NALCN: variants seen among roughly 807,000 people sequenced by gnomAD.
NALCN encodes sodium leak channel NALCN.
Under a neutral mutation model 225.3 loss-of-function variants are expected in NALCN, and 111 were observed. The observed-to-expected ratio is 0.49, with a 90% CI of 0.42 to 0.58. The LOEUF (loss-of-function observed/expected upper bound fraction) is 0.58. NALCN is among the 20% of genes least tolerant of loss of function. The probability of loss-of-function intolerance (pLI) is 0.00; values close to 1 mark genes in which losing one functional copy is unlikely to be tolerated. For synonymous variants in NALCN, 764 were observed against 769.0 expected (o/e 0.99, Z 0.11); for missense variants, 1,378 against 2,202.4 (o/e 0.63, Z 7.49).
chr13:101,301,733 C>T (rs1273123863), intron 7 of NALCN, among the ~76,000 whole-genome samples: 4 of 139,760 alleles, frequency 2.9e-5, no homozygotes, highest in Non-Finnish European at 4.8e-5. Flanking sequence ...AAAAAAAAGA[C>T]AAGACAAGAA....
chr13:101,206,019 A>C (rs1303365651), intron 13 of NALCN, among the ~76,000 whole-genome samples: 1 of 151,976 alleles, frequency 6.6e-6, no homozygotes, highest in Non-Finnish European at 1.5e-5. Context: ...TGGTCAGAGA[A>C]ATGCTTATGT....
chr13:101,370,618 C>T (rs149296031), intron 6 of NALCN, among the ~76,000 whole-genome samples: 56 of 152,226 alleles, frequency 3.7e-4, no homozygotes, highest in African/African-American at 1.3e-3. Flanking sequence ...AACAGACCCA[C>T]GTATAGACAG....
At chr13:101,382,212 T>G (rs967831659) in intron 3 of NALCN, among the ~76,000 whole-genome samples, 1 of 150,344 alleles carries the variant, frequency 6.7e-6, no homozygotes, top group Non-Finnish European at 1.5e-5. Context: ...CGGTGGAACA[T>G]TGAATGAGAG....
intron 4 of NALCN, among the ~76,000 whole-genome samples, chr13:101,377,711 T>C (rs898494673): frequency 2.0e-5 from 3 of 152,144 alleles, no homozygotes; most frequent in Non-Finnish European, 4.4e-5. Flanking sequence ...GAATAGATGA[T>C]TGAACTCTAG....
chr13:101,400,583 A>ATGTG (rs1566655139), intron 1 of NALCN, among the ~76,000 whole-genome samples: 30 of 139,634 alleles, frequency 2.1e-4, no homozygotes, highest in African/African-American at 7.5e-4. Context: ...GTGTGTGTGC[A>ATGTG]CGTGTGTGCG....
At chr13:101,361,383 T>C (rs1231816937) in intron 6 of NALCN, among the ~76,000 whole-genome samples, 1 of 152,186 alleles carries the variant, frequency 6.6e-6, no homozygotes, top group South Asian at 2.1e-4. Flanking sequence ...CCTTTAGAAT[T>C]CAGTCTTAAA....
In NALCN at chr13:101,230,417, G is replaced by A. The variant is rs367552534; in HGVS notation, c.1435-833C>T. On this transcript the variant is annotated intron_variant, in intron 12 of 43. Coordinates refer to ENST00000251127, the MANE Select transcript of NALCN (RefSeq NM_052867.4). ...CCTCCTTTAAAAAACAGAACTTTCC[G>A]AATTCTAACCTAGCAAGTGGTTGCC... Among the ~76,000 whole-genome samples, 7 of 152,224 alleles carry A rather than the reference G, an allele frequency of 4.6e-5. No individual in the cohort carries two copies. In the South Asian group the frequency reaches 8.3e-4, roughly 18 times the overall value.
chr13:101,055,400 G>A lies in NALCN; in HGVS notation c.5112C>T (p.Asn1704=), dbSNP rs1738389786. Residue 1704 remains asparagine (N), a synonymous_variant, in exon 44 of 44, where the codon AAC becomes AAT. Transcript: ENST00000251127. ...TTMKSVVCKM[N]PMTDAASCGS... The stretch of plus-strand genomic sequence containing the variant: ...CGCAGGAAGCCGCGTCAGTCATGGG[G>A]TTCATTTTGCACACGACAGATTTCA... 6.2e-7 allele frequency: 1 copy of A among 1,613,982 alleles called. No individual in the cohort carries two copies. Among genetic ancestry groups the A allele is most frequent in the South Asian group, 1.1e-5 (1 of 91,074 alleles).
At chr13:101,310,015 A>C (rs945938029) in intron 7 of NALCN, among the ~76,000 whole-genome samples, 1 of 152,116 alleles carries the variant, frequency 6.6e-6, no homozygotes, top group South Asian at 2.1e-4. Flanking sequence ...ACACACAGCC[A>C]ATCTCTTAGT....
chr13:101,082,766 C>T lies in NALCN; in HGVS notation c.3765+43G>A, dbSNP rs2033724311. 4 of 1,599,706 alleles carry T rather than the reference C, an allele frequency of 2.5e-6. No individual in the cohort carries two copies. The South Asian group carries it at 4.4e-5, about 18-fold the overall frequency. On this transcript the variant is annotated intron_variant, in intron 33 of 43. Coordinates refer to ENST00000251127, the MANE Select transcript of NALCN (RefSeq NM_052867.4). ...AGAGGGAGGCTGATTTACTTTAAAA[C>T]TGTGCACAGATTCCCCCAGAGCTAG...
At chr13:101,060,105 T>G in intron 41 of NALCN, 138 bp from the exon 42 acceptor site, 2 of 976,648 alleles carry the variant, frequency 2.0e-6, no homozygotes, top group Admixed American at 4.8e-5. Context: ...CAAGTAAGGA[T>G]CCTGAACTAA....
chr13:101,322,601 T>C (rs946590229), intron 7 of NALCN, among the ~76,000 whole-genome samples: 6 of 152,250 alleles, frequency 3.9e-5, no homozygotes, highest in African/African-American at 1.4e-4. Context: ...ATCTCATATG[T>C]TTAGTTTCAT....
chr13:101,299,924 A>G (rs1275333997), intron 7 of NALCN, among the ~76,000 whole-genome samples: 1 of 152,098 alleles, frequency 6.6e-6, no homozygotes, highest in African/African-American at 2.4e-5. Flanking sequence ...ACACCATCTC[A>G]GCACTTTCTT....
intron 13 of NALCN, among the ~76,000 whole-genome samples, chr13:101,218,587 T>A (rs1443455799): frequency 2.6e-5 from 4 of 152,106 alleles, no homozygotes. Context: ...TGGGGCCTGA[T>A]GGGAGTGATT....
chr13:101,343,344 G>T (rs981780801), intron 7 of NALCN, among the ~76,000 whole-genome samples: 1 of 152,154 alleles, frequency 6.6e-6, no homozygotes, highest in African/African-American at 2.4e-5. Context: ...TAAGCAAACG[G>T]ATGAAATTAA....
intron 6 of NALCN, among the ~76,000 whole-genome samples, chr13:101,355,084 T>C (rs2046014080): frequency 6.6e-6 from 1 of 152,102 alleles, no homozygotes; most frequent in African/African-American, 2.4e-5. Context: ...TCTCTCGTGT[T>C]CATTCTTGTC....
intron 1 of NALCN, among the ~76,000 whole-genome samples, chr13:101,415,495 A>C (rs1031037690): frequency 6.6e-6 from 1 of 152,150 alleles, no homozygotes; most frequent in Non-Finnish European, 1.5e-5. Context: ...TATTTCAAGC[A>C]CTAAGGGTCT....
At chr13:101,332,416 A>G (rs7318760) in intron 7 of NALCN, among the ~76,000 whole-genome samples, 7,667 of 149,140 alleles carry the variant, frequency 0.051, 289 homozygotes, top group East Asian at 0.23. Flanking sequence ...AAAAAAAAAA[A>G]AAAAGGAAAG....
chr13:101,069,726 A>G (rs2032711152), intron 37 of NALCN, among the ~76,000 whole-genome samples: 1 of 152,168 alleles, frequency 6.6e-6, no homozygotes, highest in African/African-American at 2.4e-5. Flanking sequence ...TTTATCGAGT[A>G]ATTTTATGTA....
Sources: allele counts gnomAD v4.1 joint callset (sites outside exome capture counted in the v4.1 genomes callset), GRCh38; gene constraint gnomAD v4.1.1; transcripts MANE v1.5; gene names NCBI Gene and HGNC (gene_info 2026-07-23, HGNC 2026-07-21).